Variants in RIMS2 observed in about 807,000 individuals in gnomAD.
RIMS2 encodes regulating synaptic membrane exocytosis protein 2.
A neutral mutation model predicts 174.4 loss-of-function variants in RIMS2; 59 were observed. The ratio of observed to expected loss-of-function variants is 0.34; its 90% confidence interval spans 0.27 to 0.42. The LOEUF (loss-of-function observed/expected upper bound fraction) is 0.42, where lower values mean the gene tolerates loss of function less well. Ranked by LOEUF, RIMS2 falls within the 10% of genes least tolerant of loss-of-function variation. The pLI is 1.00. For missense variants in RIMS2, 1,620 were observed against 1,666.3 expected, an observed-to-expected ratio of 0.97 and a Z score of 0.48; for synonymous variants, 606 against 572.5, an observed-to-expected ratio of 1.06 and a Z score of -0.84.
chr8:103,578,533 C>G (rs959910088), intron 1 of RIMS2, among the ~76,000 whole-genome samples: 2 of 150,068 alleles, frequency 1.3e-5, no homozygotes, highest in African/African-American at 5.0e-5. Flanking sequence ...CCTGTCAAAA[C>G]AAAAAACAAA....
intron 19 of RIMS2, among the ~76,000 whole-genome samples, chr8:104,031,876 G>T (rs574738040): frequency 4.1e-4 from 62 of 152,150 alleles, no homozygotes; most frequent in African/African-American, 1.5e-3. Context: ...TCTCATTTTG[G>T]TGTGGACTTG....
At chr8:104,164,564 A>G (rs1352599718) in intron 19 of RIMS2, among the ~76,000 whole-genome samples, 1 of 152,240 alleles carries the variant, frequency 6.6e-6, no homozygotes, top group African/African-American at 2.4e-5. Flanking sequence ...ATGTCCACCA[A>G]TGATAGACTG....
At chr8:103,590,300 C>T (rs931948000) in intron 1 of RIMS2, among the ~76,000 whole-genome samples, 2 of 151,340 alleles carry the variant, frequency 1.3e-5, no homozygotes, top group African/African-American at 4.8e-5. Context: ...TAAACAAATT[C>T]AGTAAAGCTT....
chr8:103,930,032 A>G (rs562779622), intron 11 of RIMS2, among the ~76,000 whole-genome samples: 1 of 152,094 alleles, frequency 6.6e-6, no homozygotes, highest in African/African-American at 2.4e-5. Context: ...GTGAGATAAT[A>G]CTGACATGGA....
chr8:103,808,045 G>A (rs2098661981), intron 3 of RIMS2, among the ~76,000 whole-genome samples: 2 of 152,106 alleles, frequency 1.3e-5, no homozygotes, highest in South Asian at 4.1e-4. Flanking sequence ...AGGCTAAGAA[G>A]ATGTCTATTC....
intron 1 of RIMS2, among the ~76,000 whole-genome samples, chr8:103,519,041 C>G (rs1830391403): frequency 1.3e-5 from 2 of 152,000 alleles, no homozygotes; most frequent in African/African-American, 4.8e-5. Context: ...CTTGTTTTTC[C>G]AGCTTCATCT....
intron 1 of RIMS2, among the ~76,000 whole-genome samples, chr8:103,605,229 A>G (rs2094992434): frequency 7.7e-6 from 1 of 130,052 alleles, no homozygotes; most frequent in African/African-American, 3.2e-5. Context: ...AATTTTGTCA[A>G]AGGCTTTTTC....
chr8:103,537,337 G>A (rs1431964428), intron 1 of RIMS2, among the ~76,000 whole-genome samples: 1 of 152,172 alleles, frequency 6.6e-6, no homozygotes, highest in East Asian at 1.9e-4. Context: ...AAACCTGAAT[G>A]AAATTAGAAA....
chr8:103,785,907 T>C (rs1230807550), intron 3 of RIMS2, among the ~76,000 whole-genome samples: 2 of 152,224 alleles, frequency 1.3e-5, no homozygotes, highest in African/African-American at 2.4e-5. Context: ...TCCTGGACTC[T>C]TTTTGGTTGG....
At chr8:103,924,255 A>G (rs990485013) in intron 10 of RIMS2, among the ~76,000 whole-genome samples, 1 of 151,712 alleles carries the variant, frequency 6.6e-6, no homozygotes, top group Non-Finnish European at 1.5e-5. Flanking sequence ...CCAATCATCT[A>G]CTTAAGAAAT....
chr8:104,014,666 G>A (rs1173671357), intron 19 of RIMS2, 51 bp downstream of exon 21: 2 of 1,116,612 alleles, frequency 1.8e-6, no homozygotes, highest in Non-Finnish European at 2.7e-6. Context: ...TGGAAGCTAA[G>A]GTGAATCAAG....
At chr8:104,129,252 A>G (rs1338821885) in intron 19 of RIMS2, among the ~76,000 whole-genome samples, 2 of 151,980 alleles carry the variant, frequency 1.3e-5, no homozygotes, top group African/African-American at 4.8e-5. Flanking sequence ...CACGTGTGGC[A>G]GTGCAATCCT....
chr8:103,661,740 G>A (rs554747693), intron 1 of RIMS2, among the ~76,000 whole-genome samples: 1 of 152,184 alleles, frequency 6.6e-6, no homozygotes, highest in South Asian at 2.1e-4. Context: ...TTCTGAGCTC[G>A]GGCAATCTGC....
At chr8:104,057,193 T>A (rs950663560) in intron 19 of RIMS2, among the ~76,000 whole-genome samples, 1 of 151,572 alleles carries the variant, frequency 6.6e-6, no homozygotes, top group Admixed American at 6.6e-5. Flanking sequence ...CAGCTTCCCA[T>A]GCATATGGGA....
At chr8:103,593,185 C>T (rs1463903300) in intron 1 of RIMS2, among the ~76,000 whole-genome samples, 1 of 151,374 alleles carries the variant, frequency 6.6e-6, no homozygotes, top group Non-Finnish European at 1.5e-5. Flanking sequence ...TTGTTCACTA[C>T]CATGAATGTG....
intron 2 of RIMS2, among the ~76,000 whole-genome samples, chr8:103,746,763 C>T (rs534999321): frequency 6.6e-6 from 1 of 152,026 alleles, no homozygotes; most frequent in African/African-American, 2.4e-5. Flanking sequence ...TCACTGCAAC[C>T]TCCGCCTCCC....
chr8:104,182,926 A>C (rs989467940), intron 19 of RIMS2, among the ~76,000 whole-genome samples: 11 of 151,792 alleles, frequency 7.2e-5, no homozygotes, highest in African/African-American at 2.7e-4. Flanking sequence ...TTTACTTTTA[A>C]TATAAGCCAT....
chr8:103,979,446 A>G (rs538104592), intron 16 of RIMS2, among the ~76,000 whole-genome samples: 112 of 152,300 alleles, frequency 7.4e-4, no homozygotes, highest in African/African-American at 2.6e-3. Flanking sequence ...AAATGGAACT[A>G]CCATATGATT....
At chr8:103,798,281 A>G (rs1456838284) in intron 3 of RIMS2, among the ~76,000 whole-genome samples, 6 of 152,226 alleles carry the variant, frequency 3.9e-5, no homozygotes, top group Non-Finnish European at 8.8e-5. Context: ...AAAAGTAGTC[A>G]GATAATTGAC....
Sources: gnomAD v4.1 joint callset for allele counts (sites outside exome capture counted in the v4.1 genomes callset) on GRCh38, gnomAD v4.1.1 for gene constraint, MANE v1.5 for transcripts, NCBI Gene and HGNC (gene_info 2026-07-23, HGNC 2026-07-21) for gene names.